Variants in HAO1 observed in about 807,000 individuals in gnomAD.
The protein encoded by HAO1 is 2-Hydroxyacid oxidase 1.
A neutral mutation model predicts 39.7 loss-of-function variants in HAO1; 34 were observed. The observed-to-expected ratio is 0.86, with a 90% confidence interval of 0.65 to 1.14. The LOEUF is 1.14. HAO1 is among the 50% of genes most tolerant of loss of function. The probability of loss-of-function intolerance (pLI) is 0.00; values close to 1 mark genes in which losing one functional copy is unlikely to be tolerated. For missense variants in HAO1, 479 were observed against 464.5 expected (o/e 1.03, Z -0.29); for synonymous variants, 172 against 173.2 (o/e 0.99, Z 0.05).
rs556105734 is a variant in HAO1, at chr20:7,929,645, C to T, written c.289+4839G>A. On this transcript the variant is annotated intron_variant, in intron 2 of 7. Transcript: ENST00000378789. Reference sequence around the variant, plus strand: ...CTTTGGGAGGCCAAGGCAGGCAGATCATGAGGTCAGGAGATCAAGACCATC... The same window carrying T: ...CTTTGGGAGGCCAAGGCAGGCAGATTATGAGGTCAGGAGATCAAGACCATC... Among the ~76,000 whole-genome samples the T allele has an allele frequency of 2.0e-5, 3 of 152,266 alleles. No homozygotes were observed. In the East Asian group the frequency reaches 5.8e-4, roughly 29 times the overall value.
In HAO1 at chr20:7,885,511, T is replaced by C; in HGVS notation, c.1042+10A>G. On this transcript the variant is annotated intron_variant, in intron 7 of 7. Coordinates refer to ENST00000378789, the MANE Select transcript of HAO1 (RefSeq NM_017545.3). ...AAGAAAAGAAAGTTGTAAACAAGAA[T>C]GAGTCTTACCACTCAGAGCCATGGC... 6.4e-7 allele frequency: 1 copy of C among 1,567,756 alleles called. No individual in the cohort carries two copies. Among genetic ancestry groups the C allele is most frequent in the Non-Finnish European group, 8.8e-7 (1 of 1,137,954 alleles).
intron 2 of HAO1, among the ~76,000 whole-genome samples, chr20:7,924,227 T>TTG (rs376394103): frequency 2.8e-5 from 4 of 141,648 alleles, no homozygotes; most frequent in East Asian, 2.2e-4. Flanking sequence ...GTTGTTGTTG[T>TTG]TTGTTTGTTT....
chr20:7,920,950 A>C (rs1375631268), intron 2 of HAO1, among the ~76,000 whole-genome samples: 3 of 152,162 alleles, frequency 2.0e-5, no homozygotes, highest in Admixed American at 2.0e-4. Flanking sequence ...GAATTGTGTG[A>C]AACTAAAATG....
intron 2 of HAO1, among the ~76,000 whole-genome samples, chr20:7,922,696 G>A (rs1036962278): frequency 6.6e-6 from 1 of 152,046 alleles, no homozygotes; most frequent in African/African-American, 2.4e-5. Flanking sequence ...AATTTCCATG[G>A]GGGGAGCTGC....
intron 5 of HAO1, among the ~76,000 whole-genome samples, chr20:7,891,552 C>G (rs766559739): frequency 1.3e-5 from 2 of 152,148 alleles, no homozygotes; most frequent in Non-Finnish European, 2.9e-5. Flanking sequence ...TTAATTAACT[C>G]CCAGCTATTT....
At chr20:7,932,395 T>C (rs1157534389) in intron 2 of HAO1, among the ~76,000 whole-genome samples, 1 of 152,208 alleles carries the variant, frequency 6.6e-6, no homozygotes, top group African/African-American at 2.4e-5. Context: ...CTTCCTTTCT[T>C]TATTTCCATT....
At chr20:7,914,916 C>T (rs1014665809) in intron 2 of HAO1, among the ~76,000 whole-genome samples, 13 of 152,140 alleles carry the variant, frequency 8.5e-5, no homozygotes, top group African/African-American at 1.9e-4. Context: ...GTCAGGAGTT[C>T]GAGACCAGCC....
chr20:7,922,896 C>A (rs1293803466), intron 2 of HAO1, among the ~76,000 whole-genome samples: 1 of 152,030 alleles, frequency 6.6e-6, no homozygotes, highest in Non-Finnish European at 1.5e-5. Context: ...TCCATTCCCC[C>A]CACTCCATCT....
intron 4 of HAO1, 27 bp from the exon 5 acceptor site, chr20:7,895,251 G>C: frequency 6.8e-7 from 1 of 1,460,850 alleles, no homozygotes; most frequent in Non-Finnish European, 9.6e-7. Flanking sequence ...AAGCACCTTA[G>C]GGAAACTGTA....
At chr20:7,928,495 C>CTT (rs35798481) in intron 2 of HAO1, among the ~76,000 whole-genome samples, 3 of 140,342 alleles carry the variant, frequency 2.1e-5, no homozygotes, top group Non-Finnish European at 3.1e-5. Flanking sequence ...AAAGTTTTTT[C>CTT]TTTTTTTTTT....
At chr20:7,931,388 C>T (rs1472833413) in intron 2 of HAO1, among the ~76,000 whole-genome samples, 1 of 152,094 alleles carries the variant, frequency 6.6e-6, no homozygotes, top group African/African-American at 2.4e-5. Context: ...GAAATTAAAG[C>T]TCTTGCAAAG....
chr20:7,938,376 T>C (rs2050423535), intron 1 of HAO1, among the ~76,000 whole-genome samples: 1 of 133,374 alleles, frequency 7.5e-6, no homozygotes, highest in South Asian at 2.2e-4. Context: ...GAAAGTTGAT[T>C]GATTTTTTTT....
At chr20:7,924,315 T>C (rs1208312973) in intron 2 of HAO1, among the ~76,000 whole-genome samples, 1 of 152,006 alleles carries the variant, frequency 6.6e-6, no homozygotes, top group Non-Finnish European at 1.5e-5. Flanking sequence ...AAAAATAAAA[T>C]GGTATAAGAT....
chr20:7,903,830 G>A (rs116458661), intron 4 of HAO1, among the ~76,000 whole-genome samples: 1,501 of 141,526 alleles, frequency 0.011, 33 homozygotes, highest in African/African-American at 0.038. Flanking sequence ...AGTGCTGGTG[G>A]TTGTCCTGGT....
At chr20:7,909,346 T>C (rs1378618111) in intron 3 of HAO1, among the ~76,000 whole-genome samples, 4 of 140,510 alleles carry the variant, frequency 2.8e-5, no homozygotes, top group South Asian at 2.4e-4. Flanking sequence ...ATGCTATTTT[T>C]ATTCGGATTA....
chr20:7,936,726 C>G (rs2050414134), intron 1 of HAO1, among the ~76,000 whole-genome samples: 1 of 151,952 alleles, frequency 6.6e-6, no homozygotes, highest in South Asian at 2.1e-4. Context: ...ATTTTCTGTT[C>G]TGAGGATAAT....
intron 5 of HAO1, among the ~76,000 whole-genome samples, chr20:7,892,159 C>T (rs1176892218): frequency 1.3e-5 from 2 of 152,142 alleles, no homozygotes; most frequent in African/African-American, 2.4e-5. Context: ...GATCTCGGCT[C>T]ACTGCAACCT....
intron 7 of HAO1, 96 bp downstream of exon 7, chr20:7,885,425 C>T: frequency 1.2e-6 from 1 of 809,258 alleles, no homozygotes; most frequent in Non-Finnish European, 2.1e-6. Flanking sequence ...TCAAATGATC[C>T]CACACTCTTC....
Position 7,934,564 on chromosome 20 carries a change from C to G in HAO1, c.209G>C (p.Arg70Thr). The change falls in exon 2 of 8, where the codon AGG (arginine) becomes ACG (threonine). Residue 70 changes from arginine to threonine, a missense_variant. Coordinates refer to ENST00000378789, the MANE Select transcript of HAO1 (RefSeq NM_017545.3). ...TDLSTSVLGQ[R>T]VSMPICVGAT... ...CCCCACACATATTGGCATGCTGACCCTCTGTCCTAAAACAGAAGTCGACAG... is the reference window on the plus strand; with the variant it reads ...CCCCACACATATTGGCATGCTGACCGTCTGTCCTAAAACAGAAGTCGACAG... 6.2e-7 allele frequency: 1 copy of G among 1,612,880 alleles called. No homozygotes were observed. The highest frequency in any genetic ancestry group is 8.5e-7 in the Non-Finnish European group (1 of 1,178,906).
Sources: gnomAD v4.1 joint callset for allele counts (sites outside exome capture counted in the v4.1 genomes callset) on GRCh38, gnomAD v4.1.1 for gene constraint, MANE v1.5 for transcripts, NCBI Gene and HGNC (gene_info 2026-07-23, HGNC 2026-07-21) for gene names.